Variants in SCN8A observed in about 807,000 individuals in gnomAD.
SCN8A encodes the protein sodium voltage-gated channel alpha subunit 8, also known as sodium channel protein type 8 subunit alpha.
In SCN8A, 30 loss-of-function variants were observed where a neutral mutation model predicts 184.1. That is an observed-to-expected ratio of 0.16 (90% confidence interval 0.12 to 0.22). The LOEUF (loss-of-function observed/expected upper bound fraction) is 0.22, where lower values mean the gene tolerates loss of function less well. Ranked by LOEUF, SCN8A falls within the 10% of genes least tolerant of loss-of-function variation. The pLI is 1.00. For missense variants in SCN8A, 1,057 were observed against 2,498.9 expected, an observed-to-expected ratio of 0.42 and a Z score of 12.30; for synonymous variants, 852 against 907.0, an observed-to-expected ratio of 0.94 and a Z score of 1.09.
chr12:51,592,340 T>A (rs1047443856), intron 1 of SCN8A, among the ~76,000 whole-genome samples: 5 of 149,192 alleles, frequency 3.4e-5, no homozygotes, highest in African/African-American at 1.2e-4. Flanking sequence ...TAGCCAGGAC[T>A]GTCAGACCCT....
In SCN8A at chr12:51,602,844, A is replaced by G. The variant is rs1939497868; in HGVS notation, c.-55+11485A>G. 2.0e-5 allele frequency among the ~76,000 whole-genome samples: 3 copies of G among 152,146 alleles called. No individual in the cohort carries two copies. In the South Asian group the frequency reaches 6.2e-4, roughly 32 times the overall value. ...CTATTAGAGTATTACAGCCAAATAA[A>G]CCACTACTTTCTTCACAAGAATAAG... is the stretch of plus-strand genomic sequence containing the variant. On this transcript the variant is annotated intron_variant, in intron 1 of 26. Coordinates refer to ENST00000627620, the MANE Select transcript of SCN8A (RefSeq NM_001330260.2).
At chr12:51,748,422 G>A (rs1424351157) in intron 13 of SCN8A, among the ~76,000 whole-genome samples, 1 of 152,110 alleles carries the variant, frequency 6.6e-6, no homozygotes, top group Non-Finnish European at 1.5e-5. Flanking sequence ...CCAGGATCCA[G>A]CACATTTAGT....
In SCN8A at chr12:51,699,667, C is replaced by A; in HGVS notation, c.804C>A (p.Ile268=). ...TVFCLSVFAL[I]GLQLFMGNLR... ...TCTGCCTGAGTGTTTTTGCCTTGATCGGACTGCAGCTGTTCATGGGGAACC... is the reference window on the plus strand; with the variant it reads ...TCTGCCTGAGTGTTTTTGCCTTGATAGGACTGCAGCTGTTCATGGGGAACC... The change falls in exon 7 of 27, where the codon ATC becomes ATA. Residue 268 remains isoleucine (I), a synonymous_variant. Transcript: ENST00000627620. The A allele has an allele frequency of 6.2e-7, 1 of 1,614,002 alleles. No homozygotes were observed. The highest frequency in any genetic ancestry group is 8.5e-7 in the Non-Finnish European group (1 of 1,179,974).
At chr12:51,606,368 T>A (rs1476436604) in intron 1 of SCN8A, among the ~76,000 whole-genome samples, 1 of 152,210 alleles carries the variant, frequency 6.6e-6, no homozygotes, top group East Asian at 1.9e-4. Context: ...CTTACGTTTT[T>A]GTTTCCTTTG....
chr12:51,627,304 T>C (rs1408624825), intron 1 of SCN8A, among the ~76,000 whole-genome samples: 1 of 152,228 alleles, frequency 6.6e-6, no homozygotes, highest in African/African-American at 2.4e-5. Context: ...ATAATAAATA[T>C]CAGCCTTAAA....
At chr12:51,705,884 A>G (rs1004055751) in intron 10 of SCN8A, among the ~76,000 whole-genome samples, 2 of 152,240 alleles carry the variant, frequency 1.3e-5, no homozygotes, top group African/African-American at 4.8e-5. Context: ...CTGGGAAGAA[A>G]AAAGTGACCA....
intron 1 of SCN8A, among the ~76,000 whole-genome samples, chr12:51,595,846 C>T (rs1490070431): frequency 6.6e-6 from 1 of 152,146 alleles, no homozygotes; most frequent in Non-Finnish European, 1.5e-5. Context: ...TTCAGTCTGG[C>T]ATAGAGGATG....
chr12:51,650,548 C>T (rs1411121736), intron 1 of SCN8A, among the ~76,000 whole-genome samples: 5 of 142,476 alleles, frequency 3.5e-5, no homozygotes, highest in African/African-American at 5.3e-5. Context: ...CTTGCACTGT[C>T]GCCCAAGCTG....
intron 13 of SCN8A, among the ~76,000 whole-genome samples, chr12:51,746,341 T>G (rs1387103684): frequency 6.6e-6 from 1 of 152,162 alleles, no homozygotes; most frequent in African/African-American, 2.4e-5. Context: ...GAGGAGTCAG[T>G]GGGGTGCTGT....
chr12:51,667,540 T>C (rs1001808453), intron 2 of SCN8A, among the ~76,000 whole-genome samples: 7 of 152,146 alleles, frequency 4.6e-5, no homozygotes, highest in African/African-American at 1.7e-4. Flanking sequence ...TCTCCCACTT[T>C]TAAAAGTTTT....
At chr12:51,611,647 C>T (rs1939722848) in intron 1 of SCN8A, among the ~76,000 whole-genome samples, 1 of 151,904 alleles carries the variant, frequency 6.6e-6, no homozygotes, top group African/African-American at 2.4e-5. Flanking sequence ...ACATGCATCC[C>T]TATGCCTGGC....
At chr12:51,652,227 T>A (rs571477996) in intron 1 of SCN8A, among the ~76,000 whole-genome samples, 1 of 152,238 alleles carries the variant, frequency 6.6e-6, no homozygotes, top group East Asian at 1.9e-4. Flanking sequence ...GATTTGGGTG[T>A]CTTCCTTGAT....
chr12:51,712,354 A>G (rs1941892529), intron 11 of SCN8A: 2 of 616,024 alleles, frequency 3.2e-6, no homozygotes, highest in Middle Eastern at 6.4e-4. Context: ...GCAGATTTTT[A>G]CAGTTCCTCT....
At chr12:51,619,800 A>G (rs1939922033) in intron 1 of SCN8A, among the ~76,000 whole-genome samples, 1 of 152,228 alleles carries the variant, frequency 6.6e-6, no homozygotes, top group Non-Finnish European at 1.5e-5. Context: ...AACAGTCAAG[A>G]GGATTTAGAT....
chr12:51,800,930 T>C (rs1035733007), intron 26 of SCN8A, among the ~76,000 whole-genome samples: 1 of 152,234 alleles, frequency 6.6e-6, no homozygotes, highest in Non-Finnish European at 1.5e-5. Context: ...GCCTCCCCTT[T>C]ATTCAAGGGG....
intron 1 of SCN8A, among the ~76,000 whole-genome samples, chr12:51,592,879 A>G (rs930085508): frequency 6.6e-6 from 1 of 151,808 alleles, no homozygotes; most frequent in Non-Finnish European, 1.5e-5. Context: ...CTGTCTCAAA[A>G]TCCCTCTGCA....
intron 10 of SCN8A, among the ~76,000 whole-genome samples, chr12:51,706,031 A>G (rs1941777909): frequency 6.6e-6 from 1 of 152,250 alleles, no homozygotes; most frequent in Non-Finnish European, 1.5e-5. Context: ...CTTGAAAGAC[A>G]TTTGTGATCT....
intron 21 of SCN8A, among the ~76,000 whole-genome samples, chr12:51,785,531 C>T (rs971290369): frequency 1.3e-5 from 2 of 152,208 alleles, no homozygotes; most frequent in African/African-American, 4.8e-5. Flanking sequence ...AGTGACAATG[C>T]AGTCTAAGGC....
chr12:51,790,840 G>T (rs1206445980), intron 25 of SCN8A, among the ~76,000 whole-genome samples: 2 of 152,124 alleles, frequency 1.3e-5, no homozygotes, highest in African/African-American at 4.8e-5. Context: ...TCTCTTTCCT[G>T]CCAGTTCAAG....
Sources: gnomAD v4.1 joint callset for allele counts (sites outside exome capture counted in the v4.1 genomes callset) on GRCh38, gnomAD v4.1.1 for gene constraint, MANE v1.5 for transcripts, NCBI Gene and HGNC (gene_info 2026-07-23, HGNC 2026-07-21) for gene names.